TOMM70: variants seen among roughly 807,000 people sequenced by gnomAD.
TOMM70 encodes the protein translocase of outer mitochondrial membrane 70.
TOMM70 carries 13 observed loss-of-function variants against 73.6 expected under a neutral mutation model. That is an observed-to-expected ratio of 0.18 (90% CI 0.11 to 0.28). The LOEUF (loss-of-function observed/expected upper bound fraction) is 0.28. TOMM70 is among the 10% of genes least tolerant of loss of function. The pLI, the probability that TOMM70 is intolerant of heterozygous loss-of-function variation, is 1.00. For synonymous variants in TOMM70, 257 were observed against 271.2 expected, an observed-to-expected ratio of 0.95 and a Z score of 0.51; for missense variants, 609 against 747.5, an observed-to-expected ratio of 0.81 and a Z score of 2.16.
At chr3:100,397,826 T>C (rs564022160) in intron 1 of TOMM70, among the ~76,000 whole-genome samples, 1 of 151,958 alleles carries the variant, frequency 6.6e-6, no homozygotes, top group East Asian at 1.9e-4. Flanking sequence ...GAGGCAGAGG[T>C]TGCAGTGAGC....
chr3:100,395,643 A>G (rs920370636), intron 1 of TOMM70, among the ~76,000 whole-genome samples: 1 of 151,618 alleles, frequency 6.6e-6, no homozygotes, highest in Non-Finnish European at 1.5e-5. Context: ...AAAATATACC[A>G]CTTGTGAAAT....
intron 1 of TOMM70, among the ~76,000 whole-genome samples, chr3:100,398,614 G>A (rs906802336): frequency 3.9e-5 from 6 of 152,092 alleles, no homozygotes; most frequent in African/African-American, 9.7e-5. Flanking sequence ...ACTTTTAATA[G>A]CAGCAGTGAG....
intron 4 of TOMM70, among the ~76,000 whole-genome samples, chr3:100,383,886 C>G (rs755784759): frequency 1.3e-5 from 2 of 152,182 alleles, no homozygotes; most frequent in Non-Finnish European, 2.9e-5. Flanking sequence ...GTCAGTCTCT[C>G]TCACTAAATT....
intron 3 of TOMM70, among the ~76,000 whole-genome samples, chr3:100,385,201 C>T (rs2148892558): frequency 1.3e-5 from 2 of 152,336 alleles, no homozygotes; most frequent in South Asian, 4.1e-4. Context: ...TGATATATTC[C>T]CCTGATAACC....
intron 4 of TOMM70, among the ~76,000 whole-genome samples, chr3:100,383,050 ATTATT>A (rs2148892058): frequency 6.6e-6 from 1 of 152,328 alleles, no homozygotes; most frequent in East Asian, 1.9e-4. Flanking sequence ...GTAAATATAC[ATTATT>A]TTATATTTTC....
intron 11 of TOMM70, among the ~76,000 whole-genome samples, chr3:100,366,826 TAAG>T (rs1292229516): frequency 2.6e-5 from 4 of 152,252 alleles, no homozygotes; most frequent in African/African-American, 9.6e-5. Flanking sequence ...TGCATTATTC[TAAG>T]AAGAATCCAC....
At chr3:100,367,342 G>A (rs996727023) in intron 11 of TOMM70, among the ~76,000 whole-genome samples, 1 of 152,188 alleles carries the variant, frequency 6.6e-6, no homozygotes, top group Non-Finnish European at 1.5e-5. Context: ...AGGACTACAG[G>A]AGGGGCTGAA....
At chr3:100,366,284 A>G (rs2148888025) in intron 11 of TOMM70, among the ~76,000 whole-genome samples, 1 of 152,192 alleles carries the variant, frequency 6.6e-6, no homozygotes, top group South Asian at 2.1e-4. Context: ...CTCAATAAAT[A>G]CTCAGATTTA....
In TOMM70 at chr3:100,401,055, A is replaced by C; in HGVS notation, c.-106T>G. On this transcript the variant is annotated 5_prime_UTR_variant, in exon 1 of 12. Transcript: ENST00000284320. ...AGGGAAGGAAAGCAATGAGCGAGCG[A>C]GCACGCTAGGCAGAGAGAGCGGACG... The C allele has an allele frequency of 8.2e-7, 1 of 1,219,826 alleles. No individual in the cohort carries two copies. The highest frequency in any genetic ancestry group is 1.1e-6 in the Non-Finnish European group (1 of 871,146). The allele number at this position is 1,219,826 out of a possible 1,614,324, so 75.6% of individuals were successfully genotyped here.
At chr3:100,396,510 T>C (rs1233132614) in intron 1 of TOMM70, among the ~76,000 whole-genome samples, 2 of 152,162 alleles carry the variant, frequency 1.3e-5, no homozygotes, top group African/African-American at 2.4e-5. Context: ...TCACAGGATG[T>C]TTGAAAAAGA....
intron 1 of TOMM70, among the ~76,000 whole-genome samples, chr3:100,394,365 CTTT>C (rs57366969): frequency 1.5e-5 from 2 of 131,388 alleles, no homozygotes; most frequent in Non-Finnish European, 1.6e-5. Flanking sequence ...GTTACTTTTT[CTTT>C]TTTTTTTTTT....
intron 1 of TOMM70, 59 bp downstream of exon 1, chr3:100,400,567 C>A: frequency 6.4e-7 from 1 of 1,562,092 alleles, no homozygotes. Context: ...TGACACAACC[C>A]GCCAAGGAAA....
rs149541217 is a variant in TOMM70, at chr3:100,390,460, T to C, written c.325-3482A>G. 6.0e-4 allele frequency among the ~76,000 whole-genome samples: 91 copies of C among 152,362 alleles called. 1 individual carries two copies. In the East Asian group the frequency reaches 0.017, roughly 29 times the overall value. ...TTGCCTAGTGATGTCACAGCCATTG[T>C]AATGCACTACTCATGTATCTGTGGT... On this transcript the variant is annotated intron_variant, in intron 1 of 11. Transcript: ENST00000284320.
chr3:100,377,102 A>C (rs1706574019), intron 6 of TOMM70, among the ~76,000 whole-genome samples: 1 of 152,202 alleles, frequency 6.6e-6, no homozygotes, highest in Admixed American at 6.5e-5. Context: ...GGTCACAGAG[A>C]TGTTAACAAA....
chr3:100,370,236 A>G (rs1411096118), intron 9 of TOMM70, among the ~76,000 whole-genome samples: 1 of 152,040 alleles, frequency 6.6e-6, no homozygotes, highest in East Asian at 1.9e-4. Context: ...TTCTATCTCT[A>G]TTTACTTCCC....
At chr3:100,387,470 G>A (rs1433812898) in intron 1 of TOMM70, among the ~76,000 whole-genome samples, 1 of 151,792 alleles carries the variant, frequency 6.6e-6, no homozygotes, top group Non-Finnish European at 1.5e-5. Context: ...AAAAAAGCAT[G>A]AGAGGTGTCT....
chr3:100,387,635 C>G (rs936739627), intron 1 of TOMM70, among the ~76,000 whole-genome samples: 2 of 110,082 alleles, frequency 1.8e-5, no homozygotes, highest in Non-Finnish European at 1.8e-5. Context: ...CACACACACA[C>G]GTATATACTT....
chr3:100,391,708 C>T (rs989305522), intron 1 of TOMM70, among the ~76,000 whole-genome samples: 50 of 151,748 alleles, frequency 3.3e-4, no homozygotes, highest in African/African-American at 1.1e-3. Context: ...AGTAGCTGTA[C>T]GTTAAGCTAA....
chr3:100,370,664 T>TAC (rs1049351249), intron 9 of TOMM70, among the ~76,000 whole-genome samples: 1 of 152,040 alleles, frequency 6.6e-6, no homozygotes, highest in African/African-American at 2.4e-5. Context: ...CACATACACA[T>TAC]ACACACACAC....
Sources: gnomAD v4.1 joint callset for allele counts (sites outside exome capture counted in the v4.1 genomes callset) on GRCh38, gnomAD v4.1.1 for gene constraint, MANE v1.5 for transcripts, NCBI Gene and HGNC (gene_info 2026-07-23, HGNC 2026-07-21) for gene names.